The following TMEM120A variants were observed in gnomAD, a reference collection of about 807,000 sequenced individuals.
The protein encoded by TMEM120A is ion channel TACAN.
Under a neutral mutation model 54.3 loss-of-function variants are expected in TMEM120A, and 45 were observed. The observed-to-expected ratio is 0.83, with a 90% CI of 0.65 to 1.06. TMEM120A has a LOEUF of 1.06. Among genes scored for constraint, TMEM120A ranks in the 50% least tolerant of loss-of-function variants. TMEM120A has a pLI of 0.00. For missense variants in TMEM120A, 424 were observed against 441.7 expected (o/e 0.96, Z 0.36); for synonymous variants, 204 against 178.5 (o/e 1.14, Z -1.14).
chr7:75,989,416 C>A (rs1174753374), intron 3 of TMEM120A, among the ~76,000 whole-genome samples, 192 bp from the exon 4 acceptor site: 1 of 151,688 alleles, frequency 6.6e-6, no homozygotes, highest in Non-Finnish European at 1.5e-5. Context: ...GCCTTCCTGG[C>A]CGCCTGCTCC....
In TMEM120A at chr7:75,987,608, G is replaced by A. The variant is rs782462408; in HGVS notation, c.785-6C>T. The A allele has an allele frequency of 3.1e-6, 5 of 1,608,192 alleles. No homozygotes were observed. Among genetic ancestry groups the A allele is most frequent in the Admixed American group, 1.7e-5 (1 of 59,240 alleles). ...CATCCAGGACTGGAAGCCCTCTGCG[G>A]GGAGGAAGGTCAGGGCACAGGACGG... is the stretch of plus-strand genomic sequence containing the variant. On this transcript the variant is annotated splice_polypyrimidine_tract_variant and splice_region_variant and intron_variant, in intron 9 of 11. Coordinates refer to ENST00000493111, the MANE Select transcript of TMEM120A (RefSeq NM_031925.3).
intron 3 of TMEM120A, among the ~76,000 whole-genome samples, chr7:75,989,458 C>T (rs1400053391): frequency 2.0e-5 from 3 of 149,116 alleles, no homozygotes; most frequent in Non-Finnish European, 4.5e-5. Flanking sequence ...AACAGTGTTC[C>T]CCCCCATCTC....
In TMEM120A at chr7:75,987,571, G is replaced by T. The variant is rs1422107927; in HGVS notation, c.816C>A (p.Leu272=). Residue 272 remains leucine, a synonymous_variant, in exon 10 of 12, where the codon CTC becomes CTA. Transcript: ENST00000493111. ...EGFQSWMWRG[L]TFLLPFLFFG... ...AGAAAAGAAAAGGCAGCAGGAAGGT[G>T]AGGCCCCGCCACATCCAGGACTGGA... 20 of 1,600,406 alleles carry T rather than the reference G, an allele frequency of 1.2e-5. No individual in the cohort carries two copies. The highest frequency in any genetic ancestry group is 1.7e-5 in the Non-Finnish European group (20 of 1,173,624).
In TMEM120A at chr7:75,992,453, G is replaced by A; in HGVS notation, c.186C>T (p.Ala62=). Residue 62 remains alanine, a synonymous_variant, in exon 2 of 12, where the codon GCC becomes GCT. Transcript: ENST00000493111. ...TRQKKRLQEL[A]LALKKCKPSL... is the part of the protein sequence containing the mutation. The stretch of plus-strand genomic sequence containing the variant: ...GGGATCCTAACTTCTTCAGGGCGAG[G>A]GCCAGCTCCTGGAGCCGCTTCTTCT... 6.3e-7 allele frequency: 1 copy of A among 1,594,372 alleles called. No individual in the cohort carries two copies. Among genetic ancestry groups the A allele is most frequent in the Non-Finnish European group, 8.5e-7 (1 of 1,170,894 alleles).
At position 75,990,474 on chromosome 7, in the gene TMEM120A, G is replaced by C. The variant is rs577363077; in HGVS notation, c.318-1250C>G. On this transcript the variant is annotated intron_variant, in intron 3 of 11. Coordinates refer to ENST00000493111, the MANE Select transcript of TMEM120A (RefSeq NM_031925.3). ...CTCTTCTCAGCAGGTGGATGTGCTC[G>C]AGTCTTCCCAGAGGCAAAGTAACCC... Among the ~76,000 whole-genome samples the C allele has an allele frequency of 1.0e-3, 152 of 152,146 alleles. 1 individual carries two copies. Among genetic ancestry groups the C allele is most frequent in the African/African-American group, 2.9e-3 (122 of 41,512 alleles).
At chr7:75,994,352 G>T (rs1031250979) in intron 1 of TMEM120A, 138 bp downstream of exon 1, 21 of 709,716 alleles carry the variant, frequency 3.0e-5, no homozygotes, top group Non-Finnish European at 4.6e-5. Context: ...CAGGGGCCTC[G>T]CCCCCCTTGG....
chr7:75,992,091 C>T (rs920001476), intron 3 of TMEM120A, 53 bp downstream of exon 3: 19 of 1,333,522 alleles, frequency 1.4e-5, no homozygotes, highest in Admixed American at 1.3e-4. Context: ...AGGCAGCACC[C>T]GGCTTCAGGA....
At chr7:75,989,923 G>C (rs749834018) in intron 3 of TMEM120A, among the ~76,000 whole-genome samples, 6 of 152,100 alleles carry the variant, frequency 3.9e-5, no homozygotes, top group Non-Finnish European at 1.5e-5. Flanking sequence ...TTCTCTGCCA[G>C]AGATACTCCA....
intron 4 of TMEM120A, 130 bp downstream of exon 4, chr7:75,989,035 T>TCC: frequency 9.3e-6 from 1 of 107,840 alleles, no homozygotes; most frequent in Non-Finnish European, 1.9e-5. Context: ...AAGGCCGGGT[T>TCC]GGGGGGTGGA....
Position 75,988,069 on chromosome 7 carries a change from G to T in TMEM120A, c.629+14C>A, listed in dbSNP as rs370430041. On this transcript the variant is annotated intron_variant, in intron 7 of 11. Coordinates refer to ENST00000493111, the MANE Select transcript of TMEM120A (RefSeq NM_031925.3). The stretch of plus-strand genomic sequence containing the variant: ...TGTCCCAGCTCCTGCCCCTGCCGGG[G>T]CCCAGCCACTCACCACGTCAGCATG... The T allele has an allele frequency of 6.2e-7, 1 of 1,604,146 alleles. No homozygotes were observed. Among genetic ancestry groups the T allele is most frequent in the Non-Finnish European group, 8.5e-7 (1 of 1,176,034 alleles).
intron 1 of TMEM120A, among the ~76,000 whole-genome samples, 178 bp downstream of exon 1, chr7:75,994,312 A>C (rs1324755890): frequency 6.6e-6 from 1 of 152,076 alleles, no homozygotes; most frequent in Non-Finnish European, 1.5e-5. Context: ...GTTCCCGGAC[A>C]CTGGAGGTGG....
intron 1 of TMEM120A, among the ~76,000 whole-genome samples, chr7:75,993,999 C>G (rs1554562477): frequency 6.9e-6 from 1 of 145,068 alleles, no homozygotes; most frequent in Non-Finnish European, 1.5e-5. Flanking sequence ...TTGATGCAGC[C>G]ACATGGGCCT....
rs116352337 is a variant in TMEM120A at position 75,989,572 on chromosome 7, T to G, written c.318-348A>C. On this transcript the variant is annotated intron_variant, in intron 3 of 11. Coordinates refer to ENST00000493111, the MANE Select transcript of TMEM120A (RefSeq NM_031925.3). ...TGTCCCCGATTGCTCCCCTGTGCGA[T>G]GGCCACCACCTACCCCCCAGCTCCC... is the stretch of plus-strand genomic sequence containing the variant. Among the ~76,000 whole-genome samples the G allele has an allele frequency of 8.0e-3, 1,204 of 149,590 alleles. 13 individuals carry two copies. Among genetic ancestry groups the G allele is most frequent in the African/African-American group, 0.028 (1,131 of 40,422 alleles).
In TMEM120A at chr7:75,987,079, C is replaced by T; in HGVS notation, c.*93G>A. The T allele has an allele frequency of 1.9e-6, 2 of 1,064,876 alleles. No individual in the cohort carries two copies. Among genetic ancestry groups the T allele is most frequent in the Non-Finnish European group, 2.8e-6 (2 of 711,878 alleles). 66.0% of individuals were successfully genotyped at this position (1,064,876 alleles called of 1,614,324 possible). A position where few individuals can be genotyped will look rare whatever the true frequency, so the allele number is the denominator to read the frequency against. ...AACCCAAGGGAGAATAGAAGAGACC[C>T]CCTGATACACGCACACTCGAGGGGC... is the stretch of plus-strand genomic sequence containing the variant. On this transcript the variant is annotated 3_prime_UTR_variant, in exon 12 of 12. Transcript: ENST00000493111.
chr7:75,987,805 C>G lies in TMEM120A; in HGVS notation c.697G>C (p.Val233Leu). ...FLSFSMYQSF[V>L]QFLQYYYQSG... ...TGGTAGTAGTACTGGAGAAACTGCA[C>G]GAAGCCTGGGCCGGGCGGAGGACAG... Residue 233 changes from valine (V) to leucine (L), a missense_variant, in exon 9 of 12, where the codon GTG becomes CTG. Val to Leu is a conservative substitution (Grantham distance 32). Transcript: ENST00000493111. The G allele has an allele frequency of 6.8e-6, 11 of 1,611,764 alleles. No homozygotes were observed. Among genetic ancestry groups the G allele is most frequent in the South Asian group, 1.1e-5 (1 of 90,892 alleles).
At chr7:75,992,969 A>G (rs1180707955) in intron 1 of TMEM120A, among the ~76,000 whole-genome samples, 1 of 152,094 alleles carries the variant, frequency 6.6e-6, no homozygotes, top group Non-Finnish European at 1.5e-5. Flanking sequence ...TGCCTGGCTA[A>G]TTTTTGTATT....
In TMEM120A at chr7:75,988,522, G is replaced by A; in HGVS notation, c.378-6C>T. ...ACTCGTCCTTGTAGGCAAACCTGGGGGGCGCAGGCCGGTGAGACGGGTGGG... is the reference window on the plus strand; with the variant it reads ...ACTCGTCCTTGTAGGCAAACCTGGGAGGCGCAGGCCGGTGAGACGGGTGGG... On this transcript the variant is annotated splice_polypyrimidine_tract_variant and splice_region_variant and intron_variant, in intron 4 of 11. Coordinates refer to ENST00000493111, the MANE Select transcript of TMEM120A (RefSeq NM_031925.3). 6.2e-7 allele frequency: 1 copy of A among 1,602,000 alleles called. No homozygotes were observed. Among genetic ancestry groups the A allele is most frequent in the Non-Finnish European group, 8.5e-7 (1 of 1,176,414 alleles).
rs782664173 is a variant in TMEM120A, at chr7:75,989,115, GCTA to G, written c.377+47_377+49del. 44 of 450,378 alleles carry G rather than the reference GCTA, an allele frequency of 9.8e-5. 16 individuals carry two copies. Among genetic ancestry groups the G allele is most frequent in the Admixed American group, 6.0e-4 (18 of 29,954 alleles). 27.9% of individuals were successfully genotyped at this position (450,378 alleles called of 1,614,324 possible). On this transcript the variant is annotated intron_variant, in intron 4 of 11. Coordinates refer to ENST00000493111, the MANE Select transcript of TMEM120A (RefSeq NM_031925.3). Reference sequence around the variant, plus strand: ...GTTGAGGGGGGGAGGGGGGTAGGGGGCTAGGGGTGGAGGGGTGGAGGTTGGGGG... The same window carrying G: ...GTTGAGGGGGGGAGGGGGGTAGGGGGGGGGTGGAGGGGTGGAGGTTGGGGG...
rs376483231 is a variant in TMEM120A at position 75,987,751 on chromosome 7, G to T, written c.751C>A (p.Leu251Met). ...AGGTCCATGGTGTGCCGCTCGCCCAGCGCCCGCAGGCGGTAGAGGCAGCCG... is the reference window on the plus strand; with the variant it reads ...AGGTCCATGGTGTGCCGCTCGCCCATCGCCCGCAGGCGGTAGAGGCAGCCG... Reference protein sequence around the residue: ...QSGCLYRLRALGERHTMDLTV... With the variant: ...QSGCLYRLRAMGERHTMDLTV... Residue 251 changes from leucine (L) to methionine (M), a missense_variant, in exon 9 of 12, where the codon CTG (leucine) becomes ATG (methionine). By Grantham distance (15) the Leu-to-Met change is conservative. Transcript: ENST00000493111. The T allele has an allele frequency of 6.2e-7, 1 of 1,612,350 alleles. No individual in the cohort carries two copies. Among genetic ancestry groups the T allele is most frequent in the Non-Finnish European group, 8.5e-7 (1 of 1,179,784 alleles).
Sources: allele counts gnomAD v4.1 joint callset (sites outside exome capture counted in the v4.1 genomes callset), GRCh38; gene constraint gnomAD v4.1.1; transcripts MANE v1.5; gene names NCBI Gene and HGNC (gene_info 2026-07-23, HGNC 2026-07-21).